Variants in DGKI observed in about 807,000 individuals in gnomAD.
The protein encoded by DGKI is DAG kinase iota.
DGKI carries 55 observed loss-of-function variants against 147.5 expected under a neutral mutation model. The observed-to-expected ratio is 0.37, with a 90% CI of 0.30 to 0.47. The LOEUF is 0.47. DGKI is among the 20% of genes least tolerant of loss of function. DGKI has a pLI of 1.00. For synonymous variants in DGKI, 469 were observed against 477.1 expected, an observed-to-expected ratio of 0.98 and a Z score of 0.22; for missense variants, 1,007 against 1,323.8, an observed-to-expected ratio of 0.76 and a Z score of 3.71.
At chr7:137,789,402 T>C (rs1362805242) in intron 1 of DGKI, among the ~76,000 whole-genome samples, 7 of 152,154 alleles carry the variant, frequency 4.6e-5, no homozygotes, top group African/African-American at 7.2e-5. Flanking sequence ...AATGGGATTG[T>C]TGCAGTTTTG....
intron 19 of DGKI, among the ~76,000 whole-genome samples, chr7:137,565,044 T>C (rs1447254406): frequency 1.3e-5 from 2 of 152,258 alleles, no homozygotes; most frequent in East Asian, 3.8e-4. Context: ...GTAAGAGGCT[T>C]CAAAATGCTT....
At chr7:137,829,645 C>T (rs2117064734) in intron 1 of DGKI, among the ~76,000 whole-genome samples, 1 of 152,294 alleles carries the variant, frequency 6.6e-6, no homozygotes, top group African/African-American at 2.4e-5. Flanking sequence ...GGTAGGTCCA[C>T]AGGATTAGTG....
chr7:137,650,805 C>A (rs1313207698), intron 5 of DGKI, among the ~76,000 whole-genome samples: 1 of 152,154 alleles, frequency 6.6e-6, no homozygotes, highest in African/African-American at 2.4e-5. Context: ...ATTACAACAG[C>A]CTAAACAGAC....
At chr7:137,781,510 G>A (rs762332435) in intron 1 of DGKI, among the ~76,000 whole-genome samples, 45 of 152,098 alleles carry the variant, frequency 3.0e-4, no homozygotes, top group Non-Finnish European at 4.3e-4. Context: ...CCAATTTAAT[G>A]GGGTCTGAGA....
chr7:137,832,626 G>C (rs978405970), intron 1 of DGKI, among the ~76,000 whole-genome samples: 5 of 152,226 alleles, frequency 3.3e-5, no homozygotes, highest in African/African-American at 4.8e-5. Flanking sequence ...TGTGATAGGA[G>C]GGACAGCCAT....
At chr7:137,468,047 T>C (rs1814728067) in intron 24 of DGKI, among the ~76,000 whole-genome samples, 1 of 150,708 alleles carries the variant, frequency 6.6e-6, no homozygotes, top group Non-Finnish European at 1.5e-5. Context: ...TAAATCTATC[T>C]AACAAAGCCC....
intron 27 of DGKI, among the ~76,000 whole-genome samples, chr7:137,450,604 C>CCCAGCTA (rs1813915256): frequency 6.6e-6 from 1 of 152,030 alleles, no homozygotes; most frequent in South Asian, 2.1e-4. Flanking sequence ...CGCCTATAAT[C>CCCAGCTA]CCAGCTACTT....
chr7:137,539,845 T>A (rs1817630572), intron 20 of DGKI, among the ~76,000 whole-genome samples: 1 of 151,854 alleles, frequency 6.6e-6, no homozygotes, highest in Admixed American at 6.6e-5. Context: ...AATGGATAGA[T>A]CTCTACCAAG....
chr7:137,628,665 G>C (rs577037795), intron 6 of DGKI, among the ~76,000 whole-genome samples: 1 of 152,276 alleles, frequency 6.6e-6, no homozygotes, highest in Admixed American at 6.5e-5. Context: ...AGGGATGGGA[G>C]GCCAGATGCT....
intron 21 of DGKI, among the ~76,000 whole-genome samples, chr7:137,507,567 G>A (rs1458256872): frequency 6.6e-6 from 1 of 152,106 alleles, no homozygotes; most frequent in Non-Finnish European, 1.5e-5. Context: ...CATTAATTTG[G>A]TAAATATATA....
chr7:137,492,111 A>G (rs533579181), intron 21 of DGKI, among the ~76,000 whole-genome samples: 12 of 152,336 alleles, frequency 7.9e-5, no homozygotes, highest in African/African-American at 2.9e-4. Flanking sequence ...GAAACAGTTC[A>G]CTCAGTTCCC....
intron 8 of DGKI, among the ~76,000 whole-genome samples, chr7:137,610,148 A>G (rs1820318429): frequency 1.3e-5 from 2 of 152,100 alleles, no homozygotes; most frequent in Non-Finnish European, 1.5e-5. Context: ...TTTATGATCC[A>G]ACTGTCCTAT....
chr7:137,739,711 G>C (rs767306992), intron 1 of DGKI, among the ~76,000 whole-genome samples: 3 of 152,122 alleles, frequency 2.0e-5, no homozygotes, highest in Non-Finnish European at 2.9e-5. Context: ...AGTGCTACAC[G>C]CATGTGTACA....
rs1585066317 is a variant in DGKI, at chr7:137,388,664, G to A, written c.*2556C>T. 6.6e-6 allele frequency: 1 copy of A among 152,090 alleles called. No homozygotes were observed. The highest frequency in any genetic ancestry group is 1.9e-4 in the East Asian group (1 of 5,190). The allele number at this position is 152,090 out of a possible 1,614,324, so 9.4% of individuals were successfully genotyped here. On this transcript the variant is annotated 3_prime_UTR_variant, in exon 33 of 33. Transcript: ENST00000614521. ...CCAATTTTTAAAACATGCTACAGGA[G>A]GTGGTTTAATGTTGAAGCCATTAAA...
chr7:137,499,377 C>A (rs1330653238), intron 21 of DGKI, among the ~76,000 whole-genome samples: 1 of 152,104 alleles, frequency 6.6e-6, no homozygotes, highest in African/African-American at 2.4e-5. Flanking sequence ...CTAAGGGACA[C>A]TCAGATAGCT....
chr7:137,700,332 G>A (rs1358932144), intron 1 of DGKI, among the ~76,000 whole-genome samples: 2 of 152,126 alleles, frequency 1.3e-5, no homozygotes, highest in East Asian at 1.9e-4. Context: ...AACCAAGGGC[G>A]TGTGGTTTTG....
At chr7:137,656,296 A>AACG (rs1822218325) in intron 4 of DGKI, among the ~76,000 whole-genome samples, 170 bp downstream of exon 4, 2 of 152,232 alleles carry the variant, frequency 1.3e-5, no homozygotes, top group Admixed American at 6.5e-5. Flanking sequence ...CAAGAGAGTG[A>AACG]ACGACCCTTA....
At chr7:137,481,434 A>G (rs2128933883) in intron 23 of DGKI, among the ~76,000 whole-genome samples, 1 of 152,294 alleles carries the variant, frequency 6.6e-6, no homozygotes, top group South Asian at 2.1e-4. Flanking sequence ...CAACCTCAAG[A>G]ATATCCTAAA....
intron 13 of DGKI, among the ~76,000 whole-genome samples, chr7:137,586,706 C>T (rs1819414441): frequency 6.6e-6 from 1 of 152,110 alleles, no homozygotes; most frequent in South Asian, 2.1e-4. Flanking sequence ...TCATAACTCT[C>T]CCAAGTAAGG....
Sources: allele counts gnomAD v4.1 joint callset (sites outside exome capture counted in the v4.1 genomes callset), GRCh38; gene constraint gnomAD v4.1.1; transcripts MANE v1.5; gene names NCBI Gene and HGNC (gene_info 2026-07-23, HGNC 2026-07-21).